Variants in NRXN3 observed in about 807,000 individuals in gnomAD.
NRXN3 encodes neurexin III.
NRXN3 carries 32 observed loss-of-function variants against 137.6 expected under a neutral mutation model. The ratio of observed to expected loss-of-function variants is 0.23; its 90% confidence interval spans 0.18 to 0.31. The LOEUF is 0.31. Ranked by LOEUF, NRXN3 falls within the 10% of genes least tolerant of loss-of-function variation. The pLI, the probability that NRXN3 is intolerant of heterozygous loss-of-function variation, is 1.00. For missense variants in NRXN3, 1,574 were observed against 2,062.5 expected, an observed-to-expected ratio of 0.76 and a Z score of 4.59; for synonymous variants, 798 against 784.5, an observed-to-expected ratio of 1.02 and a Z score of -0.29.
At chr14:78,914,168 A>G (rs547479523) in intron 10 of NRXN3, among the ~76,000 whole-genome samples, 5 of 152,202 alleles carry the variant, frequency 3.3e-5, no homozygotes, top group Non-Finnish European at 7.3e-5. Flanking sequence ...CTCATTTATT[A>G]GTCCATCTCC....
intron 15 of NRXN3, among the ~76,000 whole-genome samples, chr14:79,269,941 A>C (rs992245488): frequency 6.6e-6 from 1 of 152,254 alleles, no homozygotes; most frequent in Non-Finnish European, 1.5e-5. Flanking sequence ...CAGAAGTTTA[A>C]GATTCCTCAC....
At position 78,877,362 on chromosome 14, in the gene NRXN3, G is replaced by A. The variant is rs563121587; in HGVS notation, c.2275+67018G>A. Among the ~76,000 whole-genome samples the A allele has an allele frequency of 6.6e-5, 10 of 152,164 alleles. No individual in the cohort carries two copies. In the South Asian group the frequency reaches 8.3e-4, roughly 13 times the overall value. On this transcript the variant is annotated intron_variant, in intron 10 of 20. Transcript: ENST00000335750. Reference sequence around the variant, plus strand: ...CATTCCATGCCTTTTTCAGGGCCCCGTGTAAAGCCATCCCTTCTCTGAAGC... The same window carrying A: ...CATTCCATGCCTTTTTCAGGGCCCCATGTAAAGCCATCCCTTCTCTGAAGC...
At chr14:78,273,678 G>A (rs1596617319) in intron 2 of NRXN3, among the ~76,000 whole-genome samples, 4 of 152,334 alleles carry the variant, frequency 2.6e-5, no homozygotes, top group Admixed American at 2.6e-4. Flanking sequence ...AAATATGTGT[G>A]TATACATATG....
At chr14:78,581,314 T>A (rs1452984938) in intron 4 of NRXN3, among the ~76,000 whole-genome samples, 1 of 152,140 alleles carries the variant, frequency 6.6e-6, no homozygotes, top group Non-Finnish European at 1.5e-5. Flanking sequence ...AGTCCTGGAG[T>A]CTGGGAAGTC....
At chr14:79,361,947 ACT>A (rs945106488) in intron 15 of NRXN3, among the ~76,000 whole-genome samples, 2 of 151,030 alleles carry the variant, frequency 1.3e-5, no homozygotes, top group African/African-American at 4.9e-5. Flanking sequence ...CAAATGTAAG[ACT>A]CTCGAGGCCA....
At chr14:78,513,741 C>A (rs573097398) in intron 4 of NRXN3, among the ~76,000 whole-genome samples, 1 of 152,132 alleles carries the variant, frequency 6.6e-6, no homozygotes, top group African/African-American at 2.4e-5. Context: ...GCTCATAGAC[C>A]AAACCCCATC....
At chr14:79,315,983 C>T (rs983861440) in intron 15 of NRXN3, among the ~76,000 whole-genome samples, 11 of 152,114 alleles carry the variant, frequency 7.2e-5, no homozygotes, top group African/African-American at 1.7e-4. Flanking sequence ...AATAGCACTC[C>T]GAAATCACTA....
chr14:78,377,694 A>G (rs1360085903), intron 4 of NRXN3, among the ~76,000 whole-genome samples: 1 of 152,192 alleles, frequency 6.6e-6, no homozygotes, highest in African/African-American at 2.4e-5. Flanking sequence ...TGCTTTCTCA[A>G]TATGTCCTCA....
chr14:79,594,101 A>G (rs1189950001), intron 16 of NRXN3, among the ~76,000 whole-genome samples: 2 of 152,206 alleles, frequency 1.3e-5, no homozygotes, highest in Non-Finnish European at 2.9e-5. Context: ...AAAAACTCCT[A>G]CTGCCTTATC....
chr14:79,078,851 A>T (rs2046403349), intron 15 of NRXN3, among the ~76,000 whole-genome samples: 1 of 152,128 alleles, frequency 6.6e-6, no homozygotes, highest in South Asian at 2.1e-4. Flanking sequence ...CAATAAAGAG[A>T]GGAAGTTATA....
At chr14:78,856,132 T>C (rs968972971) in intron 10 of NRXN3, among the ~76,000 whole-genome samples, 1 of 152,218 alleles carries the variant, frequency 6.6e-6, no homozygotes, top group African/African-American at 2.4e-5. Context: ...AACCTCAGTA[T>C]GCCTACAGGC....
At chr14:79,649,518 T>C (rs190905314) in intron 16 of NRXN3, among the ~76,000 whole-genome samples, 1 of 152,236 alleles carries the variant, frequency 6.6e-6, no homozygotes, top group African/African-American at 2.4e-5. Flanking sequence ...GCCCTTTGGG[T>C]AAGAGAGAAG....
At chr14:79,161,215 A>C (rs939942412) in intron 15 of NRXN3, among the ~76,000 whole-genome samples, 2 of 151,880 alleles carry the variant, frequency 1.3e-5, no homozygotes, top group Non-Finnish European at 2.9e-5. Flanking sequence ...TGAAGTGGGG[A>C]AAATTTCAAA....
intron 15 of NRXN3, among the ~76,000 whole-genome samples, chr14:79,002,480 G>C (rs549519042): frequency 1.3e-5 from 2 of 152,212 alleles, no homozygotes; most frequent in East Asian, 1.9e-4. Flanking sequence ...TTGGTTTACT[G>C]TTCCTGGGTT....
At chr14:79,845,859 GGAGAGAGAGAGATGGA>G in intron 20 of NRXN3, among the ~76,000 whole-genome samples, 1 of 28,900 alleles carries the variant, frequency 3.5e-5, no homozygotes, top group South Asian at 1.9e-3. Context: ...AGGGAGACGG[GGAGAGAGAGAGATGGA>G]GAGAGAGAGA....
rs545077315 is a variant in NRXN3, at chr14:78,993,095, C to T, written c.3262+4954C>T. 2.3e-4 allele frequency among the ~76,000 whole-genome samples: 35 copies of T among 152,276 alleles called. 1 individual carries two copies. Among genetic ancestry groups the T allele is most frequent in the Admixed American group, 1.4e-3 (22 of 15,290 alleles). On this transcript the variant is annotated intron_variant, in intron 15 of 20. Coordinates refer to ENST00000335750, the MANE Select transcript of NRXN3 (RefSeq NM_001330195.2). The stretch of plus-strand genomic sequence containing the variant: ...CAATAGCAAGCAGCTGTGGATAGTG[C>T]AGATAGTGGAGTGTAAAGCGTCTTT...
intron 14 of NRXN3, among the ~76,000 whole-genome samples, chr14:78,985,413 G>A (rs2099500746): frequency 6.6e-6 from 1 of 152,188 alleles, no homozygotes; most frequent in Admixed American, 6.5e-5. Flanking sequence ...GTGCTAAACT[G>A]AATATTATAT....
intron 15 of NRXN3, among the ~76,000 whole-genome samples, chr14:79,037,033 A>G (rs1456076042): frequency 5.3e-5 from 8 of 152,104 alleles, no homozygotes; most frequent in African/African-American, 1.9e-4. Context: ...ATTTCTTGTT[A>G]AATGGGACCA....
At chr14:78,185,337 C>T (rs2060145658) in intron 1 of NRXN3, among the ~76,000 whole-genome samples, 1 of 152,052 alleles carries the variant, frequency 6.6e-6, no homozygotes, top group South Asian at 2.1e-4. Context: ...AGAATATCAG[C>T]AGATGTGGAG....
Sources: allele counts gnomAD v4.1 joint callset (sites outside exome capture counted in the v4.1 genomes callset), GRCh38; gene constraint gnomAD v4.1.1; transcripts MANE v1.5; gene names NCBI Gene and HGNC (gene_info 2026-07-23, HGNC 2026-07-21).